DAB1: variants seen among roughly 807,000 people sequenced by gnomAD.
DAB1 encodes the protein DAB adaptor protein 1.
A neutral mutation model predicts 64.6 loss-of-function variants in DAB1; 15 were observed. The ratio of observed to expected loss-of-function variants is 0.23; its 90% CI spans 0.16 to 0.36. The LOEUF (loss-of-function observed/expected upper bound fraction) is 0.36. DAB1 is among the 10% of genes least tolerant of loss of function. The pLI is 1.00. For synonymous variants in DAB1, 235 were observed against 251.9 expected, an observed-to-expected ratio of 0.93 and a Z score of 0.64; for missense variants, 596 against 706.7, an observed-to-expected ratio of 0.84 and a Z score of 1.78.
At position 57,167,216 on chromosome 1, in the gene DAB1, A is replaced by C. The variant is rs1661282829; in HGVS notation, c.68-21787T>G. Among the ~76,000 whole-genome samples the C allele has an allele frequency of 2.0e-5, 3 of 152,270 alleles. No individual in the cohort carries two copies. The South Asian group carries it at 6.2e-4, about 32-fold the overall frequency. ...AATTAAATAATTTGGTTCCATAATC[A>C]TTACAAACGAGACAGCCACAGCAAG... On this transcript the variant is annotated intron_variant, in intron 2 of 14. Coordinates refer to ENST00000371236, the MANE Select transcript of DAB1 (RefSeq NM_001365792.1).
chr1:57,886,319 T>C (rs1472360218), upstream of DAB1, among the ~76,000 whole-genome samples: 1 of 152,162 alleles, frequency 6.6e-6, no homozygotes, highest in Non-Finnish European at 1.5e-5. Context: ...CCAACACGCC[T>C]GGCTAATTTT....
Position 57,295,424 on chromosome 1 carries a change from T to C in DAB1, c.-136-4258A>G, listed in dbSNP as rs546058952. On this transcript the variant is annotated intron_variant, in intron 1 of 14. Coordinates refer to ENST00000371236, the MANE Select transcript of DAB1 (RefSeq NM_001365792.1). ...AAAACTGTATGTCACAATTGGCATG[T>C]TTTATGATTCGATATCTTAGACTTA... Among the ~76,000 whole-genome samples the C allele has an allele frequency of 2.6e-5, 4 of 152,304 alleles. No individual in the cohort carries two copies. The East Asian group carries it at 5.8e-4, about 22-fold the overall frequency.
In DAB1 at chr1:57,575,612, T is replaced by C. The variant is rs1341061059; in HGVS notation, n.625+73980A>G. Among the ~76,000 whole-genome samples, 5 of 152,190 alleles carry C rather than the reference T, an allele frequency of 3.3e-5. No individual in the cohort carries two copies. The South Asian group carries it at 6.2e-4, about 19-fold the overall frequency. On this transcript the variant is annotated intron_variant and non_coding_transcript_variant, in intron 7 of 20. Coordinates refer to the DAB1 transcript ENST00000485760. ...ACAGTGAAATGTTGCTATGTCATTA[T>C]AGAAATGAAAAAACAGAGCTTCAGA...
chr1:57,173,115 T>A (rs1557862950), intron 2 of DAB1, among the ~76,000 whole-genome samples: 1 of 152,150 alleles, frequency 6.6e-6, no homozygotes, highest in Non-Finnish European at 1.5e-5. Context: ...GGTATAGTGA[T>A]CAGAGGTGCC....
chr1:57,456,653 G>T (rs1488061288), intron 7 of DAB1, among the ~76,000 whole-genome samples: 1 of 152,038 alleles, frequency 6.6e-6, no homozygotes, highest in Non-Finnish European at 1.5e-5. Context: ...CCAATAATCA[G>T]TATCAAGGTA....
At chr1:57,593,968 G>A (rs1006616531) in intron 7 of DAB1, among the ~76,000 whole-genome samples, 3 of 152,180 alleles carry the variant, frequency 2.0e-5, no homozygotes, top group Non-Finnish European at 4.4e-5. Context: ...CCTCTAACTG[G>A]CCAAGCCTGG....
chr1:57,074,297 T>C (rs1427139877), intron 4 of DAB1, among the ~76,000 whole-genome samples: 5 of 152,186 alleles, frequency 3.3e-5, no homozygotes, highest in Non-Finnish European at 7.3e-5. Flanking sequence ...ACAAATGCAG[T>C]TTTTTTGGTA....
chr1:57,914,666 G>C (rs1044159680), intron 5 of DAB1, among the ~76,000 whole-genome samples: 3 of 152,134 alleles, frequency 2.0e-5, no homozygotes, highest in Non-Finnish European at 4.4e-5. Flanking sequence ...ATGAACAGAT[G>C]AATAACTGAA....
chr1:57,417,539 A>C (rs1260302846), intron 1 of DAB1, among the ~76,000 whole-genome samples: 1 of 152,188 alleles, frequency 6.6e-6, no homozygotes, highest in East Asian at 1.9e-4. Context: ...TGGCAAATGA[A>C]TTTTTAAAAT....
At chr1:57,454,656 A>T (rs567585691) in intron 7 of DAB1, among the ~76,000 whole-genome samples, 39 of 152,106 alleles carry the variant, frequency 2.6e-4, no homozygotes, top group African/African-American at 8.0e-4. Flanking sequence ...TAAACGTAAA[A>T]TTTTTTTTAA....
At position 57,249,495 on chromosome 1, in the gene DAB1, G is replaced by A. The variant is rs117814189; in HGVS notation, c.67+41469C>T. On this transcript the variant is annotated intron_variant, in intron 2 of 14. Coordinates refer to ENST00000371236, the MANE Select transcript of DAB1 (RefSeq NM_001365792.1). ...CAAGCAATCTTCCCACCTTAGTCCCGCAAGTATCTGGAATTCCAGGTGCAT... is the reference window on the plus strand; with the variant it reads ...CAAGCAATCTTCCCACCTTAGTCCCACAAGTATCTGGAATTCCAGGTGCAT... Among the ~76,000 whole-genome samples, 122 of 152,118 alleles carry A rather than the reference G, an allele frequency of 8.0e-4. 2 individuals are homozygous for A. In the East Asian group the frequency reaches 0.023, roughly 29 times the overall value.
chr1:57,816,609 T>C (rs538270701), intron 6 of DAB1, among the ~76,000 whole-genome samples: 1 of 152,324 alleles, frequency 6.6e-6, no homozygotes, highest in Non-Finnish European at 1.5e-5. Flanking sequence ...ATTTCAAGTG[T>C]TCATCAGCCA....
intron 7 of DAB1, among the ~76,000 whole-genome samples, chr1:57,614,884 T>C (rs1396128418): frequency 6.1e-4 from 88 of 145,042 alleles, no homozygotes; most frequent in Non-Finnish European, 1.1e-3. Context: ...TTTTTTTTTT[T>C]TTTTGAGATG....
Position 57,864,134 on chromosome 1 carries a change from G to C in DAB1, n.87+19865C>G, listed in dbSNP as rs553049281. ...CAGGGGCCTATTTGACATTGTCTGT[G>C]AAGGCCCTCTGAAGAGCAATTTGAG... On this transcript the variant is annotated intron_variant and non_coding_transcript_variant, in intron 1 of 1. Coordinates refer to the DAB1 transcript ENST00000477280. Among the ~76,000 whole-genome samples the C allele has an allele frequency of 3.9e-5, 6 of 152,322 alleles. No homozygotes were observed. In the South Asian group the frequency reaches 1.2e-3, roughly 32 times the overall value.
At chr1:57,415,017 T>C (rs1046945320) in intron 1 of DAB1, among the ~76,000 whole-genome samples, 1 of 152,134 alleles carries the variant, frequency 6.6e-6, no homozygotes, top group Non-Finnish European at 1.5e-5. Context: ...TTATAAAATG[T>C]ATACGGAAGA....
chr1:58,532,949 T>C (rs1012378369), intron 1 of DAB1, among the ~76,000 whole-genome samples: 1 of 152,248 alleles, frequency 6.6e-6, no homozygotes, highest in Non-Finnish European at 1.5e-5. Flanking sequence ...ACAGGTAGAA[T>C]TTGAGATTAC....
chr1:57,859,084 A>G (rs1221691222), intron 1 of DAB1, among the ~76,000 whole-genome samples: 3 of 152,064 alleles, frequency 2.0e-5, no homozygotes, highest in Admixed American at 2.0e-4. Context: ...AAACAAAAGC[A>G]TGAGAACAGA....
Position 57,014,801 on chromosome 1 carries a change from GTTAT to G in DAB1, c.1444+78_1444+81del, listed in dbSNP as rs1646370704. The G allele has an allele frequency of 4.3e-6, 5 of 1,168,542 alleles. No homozygotes were observed. The South Asian group carries it at 4.8e-5, about 11-fold the overall frequency. 72.4% of individuals were successfully genotyped at this position (1,168,542 alleles called of 1,614,324 possible). A position where few individuals can be genotyped will look rare whatever the true frequency, so the allele number is the denominator to read the frequency against. On this transcript the variant is annotated intron_variant, in intron 12 of 14. Coordinates refer to ENST00000371236, the MANE Select transcript of DAB1 (RefSeq NM_001365792.1). ...AGCCTGATTAATGCAAGTGAGATGA[GTTAT>G]TTGACTCCAGAAACCCCGCCTCCAG...
intron 3 of DAB1, among the ~76,000 whole-genome samples, chr1:58,475,477 A>AACACAT (rs1645409818): frequency 6.8e-6 from 1 of 148,134 alleles, no homozygotes; most frequent in South Asian, 2.2e-4. Flanking sequence ...AGGTTAATTA[A>AACACAT]ACACACACAC....
Sources: allele counts gnomAD v4.1 joint callset (sites outside exome capture counted in the v4.1 genomes callset), GRCh38; gene constraint gnomAD v4.1.1; transcripts MANE v1.5; gene names NCBI Gene and HGNC (gene_info 2026-07-23, HGNC 2026-07-21).